PIGK: variants seen among roughly 807,000 people sequenced by gnomAD.
PIGK encodes the protein GPI-anchor transamidase.
A neutral mutation model predicts 50.6 loss-of-function variants in PIGK; 42 were observed. That is an observed-to-expected ratio of 0.83 (90% CI 0.65 to 1.07). The LOEUF (loss-of-function observed/expected upper bound fraction) is 1.07. PIGK is among the 50% of genes least tolerant of loss of function. The probability of loss-of-function intolerance (pLI) is 0.00; values close to 1 mark genes in which losing one functional copy is unlikely to be tolerated. For synonymous variants in PIGK, 151 were observed against 156.0 expected, an observed-to-expected ratio of 0.97 and a Z score of 0.24; for missense variants, 448 against 488.7, an observed-to-expected ratio of 0.92 and a Z score of 0.78.
At chr1:77,200,816 G>A (rs937079467) in intron 3 of PIGK, among the ~76,000 whole-genome samples, 1 of 151,982 alleles carries the variant, frequency 6.6e-6, no homozygotes, top group Admixed American at 6.6e-5. Flanking sequence ...ACCACTCTGA[G>A]CAACCATTTT....
At chr1:77,111,810 C>G (rs1653851178) in intron 10 of PIGK, among the ~76,000 whole-genome samples, 1 of 151,848 alleles carries the variant, frequency 6.6e-6, no homozygotes. Context: ...TTAATTATTT[C>G]ACAAGACTAA....
At chr1:77,184,755 T>C (rs1655700811) in intron 3 of PIGK, among the ~76,000 whole-genome samples, 1 of 152,140 alleles carries the variant, frequency 6.6e-6, no homozygotes, top group African/African-American at 2.4e-5. Context: ...TCTTAACAGC[T>C]GGCAGAACCC....
At chr1:77,191,139 A>G (rs146492577) in intron 3 of PIGK, among the ~76,000 whole-genome samples, 5 of 152,372 alleles carry the variant, frequency 3.3e-5, no homozygotes, top group Non-Finnish European at 5.9e-5. Flanking sequence ...TACCAAAATT[A>G]CAAGTTACTA....
At chr1:77,202,320 T>A (rs1656188882) in intron 3 of PIGK, among the ~76,000 whole-genome samples, 1 of 152,058 alleles carries the variant, frequency 6.6e-6, no homozygotes, top group East Asian at 1.9e-4. Context: ...TCAACACATG[T>A]AACAAAGTGC....
chr1:77,207,567 AAC>A (rs1410497899), intron 2 of PIGK, among the ~76,000 whole-genome samples: 52 of 152,208 alleles, frequency 3.4e-4, no homozygotes, highest in African/African-American at 1.2e-3. Flanking sequence ...GAAAATTAGA[AAC>A]AATCCAACCA....
Position 77,161,307 on chromosome 1 carries a change from A to G in PIGK, c.801T>C (p.Asn267=), listed in dbSNP as rs775233693. ...AGTGAATACTTACAAGGTCATTCAT[A>G]TTAGTTTGGCTAGCTGGGTTAATTT... ...LEEINPASQT[N]MNDLFQVCPK... The change falls in exon 8 of 11, where the codon AAT becomes AAC. Residue 267 remains asparagine, a synonymous_variant. Coordinates refer to ENST00000370812, the MANE Select transcript of PIGK (RefSeq NM_005482.3). 7.9e-6 allele frequency: 12 copies of G among 1,513,660 alleles called. No homozygotes were observed. The South Asian group carries it at 1.2e-4, about 16-fold the overall frequency. The allele number at this position is 1,513,660 out of a possible 1,614,324, so 93.8% of individuals were successfully genotyped here. A position where few individuals can be genotyped will look rare whatever the true frequency, so the allele number is the denominator to read the frequency against.
chr1:77,152,107 A>G (rs1471347110), intron 9 of PIGK, among the ~76,000 whole-genome samples: 3 of 152,174 alleles, frequency 2.0e-5, no homozygotes, highest in African/African-American at 7.2e-5. Flanking sequence ...AAATTATACT[A>G]CATAGCTACA....
intron 8 of PIGK, among the ~76,000 whole-genome samples, chr1:77,156,654 C>T (rs1313417022): frequency 1.3e-5 from 2 of 152,112 alleles, no homozygotes; most frequent in East Asian, 1.9e-4. Context: ...CATGTGTCTG[C>T]GGGTATTTTA....
chr1:77,154,765 TA>T, intron 8 of PIGK, 144 bp from the exon 9 acceptor site: 1 of 605,072 alleles, frequency 1.7e-6, no homozygotes, highest in South Asian at 2.3e-5. Flanking sequence ...CCTTAAAGAT[TA>T]AAGTTTCATT....
intron 9 of PIGK, among the ~76,000 whole-genome samples, chr1:77,136,257 C>T (rs1052715372): frequency 2.6e-5 from 4 of 151,990 alleles, no homozygotes; most frequent in African/African-American, 9.7e-5. Flanking sequence ...CGGCCGGGCG[C>T]GGTGGCTCAC....
rs766313226 is a variant in PIGK at position 77,129,531 on chromosome 1, A to G, written c.987-7172T>C. On this transcript the variant is annotated intron_variant, in intron 9 of 10. Transcript: ENST00000370812. ...AGCTCATGGTCGGATTAACCCATACATGAGCTCTCCCTGCCACATTGAGAT... is the reference window on the plus strand; with the variant it reads ...AGCTCATGGTCGGATTAACCCATACGTGAGCTCTCCCTGCCACATTGAGAT... 330 of 1,334,180 alleles carry G rather than the reference A, an allele frequency of 2.5e-4. 2 individuals are homozygous for G. The highest frequency in any genetic ancestry group is 3.3e-4 in the Non-Finnish European group (314 of 948,480). The allele number at this position is 1,334,180 out of a possible 1,614,324, so 82.6% of individuals were successfully genotyped here. A position where few individuals can be genotyped will look rare whatever the true frequency, so the allele number is the denominator to read the frequency against.
intron 9 of PIGK, among the ~76,000 whole-genome samples, chr1:77,126,666 C>T (rs6683950): frequency 0.18 from 26,747 of 152,042 alleles, 2,555 homozygotes; most frequent in East Asian, 0.36. Context: ...ACCTTAAGGT[C>T]ATCCATACAT....
At chr1:77,172,917 C>T (rs915757026) in intron 3 of PIGK, among the ~76,000 whole-genome samples, 2 of 152,048 alleles carry the variant, frequency 1.3e-5, no homozygotes, top group African/African-American at 4.8e-5. Flanking sequence ...GAGCGAGACT[C>T]CGCCTCAGAA....
rs1190138776 is a variant in PIGK at position 77,090,566 on chromosome 1, G to A, written c.*1808C>T. The A allele has an allele frequency of 6.6e-6, 1 of 152,190 alleles. No homozygotes were observed. Among genetic ancestry groups the A allele is most frequent in the African/African-American group, 2.4e-5 (1 of 41,456 alleles). The allele number at this position is 152,190 out of a possible 1,614,324, so 9.4% of individuals were successfully genotyped here. On this transcript the variant is annotated 3_prime_UTR_variant, in exon 11 of 11. Transcript: ENST00000370812. ...AGACGAATCCTTTTACTTTCTAGCAGTCTTTACAGGGTATGTTTCATTATA... is the reference window on the plus strand; with the variant it reads ...AGACGAATCCTTTTACTTTCTAGCAATCTTTACAGGGTATGTTTCATTATA...
intron 10 of PIGK, among the ~76,000 whole-genome samples, chr1:77,103,925 G>A (rs1397236905): frequency 6.6e-6 from 1 of 151,490 alleles, no homozygotes; most frequent in African/African-American, 2.4e-5. Context: ...GTTGGGAATT[G>A]TTCATGTACA....
intron 10 of PIGK, 22 bp from the exon 11 acceptor site, chr1:77,092,512 A>T (rs1383204315): frequency 1.7e-6 from 2 of 1,162,096 alleles, no homozygotes; most frequent in African/African-American, 3.1e-5. Flanking sequence ...GAATAACATG[A>T]TAAATTTTAT....
chr1:77,126,059 C>T, intron 9 of PIGK, among the ~76,000 whole-genome samples: 1 of 152,086 alleles, frequency 6.6e-6, no homozygotes, highest in Non-Finnish European at 1.5e-5. Context: ...CACATATCTT[C>T]CTGTTTGTCC....
intron 3 of PIGK, among the ~76,000 whole-genome samples, chr1:77,202,454 G>C (rs1047801452): frequency 6.6e-6 from 1 of 152,276 alleles, no homozygotes; most frequent in Non-Finnish European, 1.5e-5. Context: ...CTGTAGGTGA[G>C]CGACCAGTGC....
At chr1:77,103,285 C>G (rs867598300) in intron 10 of PIGK, among the ~76,000 whole-genome samples, 22 of 150,490 alleles carry the variant, frequency 1.5e-4, no homozygotes, top group Non-Finnish European at 4.4e-5. Context: ...CTTTTCTACT[C>G]AAAAAAAAAG....
Sources: gnomAD v4.1 joint callset for allele counts (sites outside exome capture counted in the v4.1 genomes callset) on GRCh38, gnomAD v4.1.1 for gene constraint, MANE v1.5 for transcripts, NCBI Gene and HGNC (gene_info 2026-07-23, HGNC 2026-07-21) for gene names.